Variants in CA10 observed in about 807,000 individuals in gnomAD.
CA10 encodes carbonic anhydrase-related protein 10.
In CA10, 14 loss-of-function variants were observed where a neutral mutation model predicts 44.2. The observed-to-expected ratio is 0.32, with a 90% CI of 0.21 to 0.50. The LOEUF (loss-of-function observed/expected upper bound fraction) is 0.50, where lower values mean the gene tolerates loss of function less well. CA10 is among the 20% of genes least tolerant of loss of function. CA10 has a pLI of 0.99. For missense variants in CA10, 350 were observed against 409.7 expected, an observed-to-expected ratio of 0.85 and a Z score of 1.26; for synonymous variants, 159 against 141.6, an observed-to-expected ratio of 1.12 and a Z score of -0.87.
At chr17:51,685,739 C>T (rs9904278) in intron 4 of CA10, among the ~76,000 whole-genome samples, 11,593 of 152,158 alleles carry the variant, frequency 0.076, 1,508 homozygotes, top group African/African-American at 0.26. Flanking sequence ...TGAGTGGCAG[C>T]CAAACAATCA....
intron 2 of CA10, among the ~76,000 whole-genome samples, chr17:51,946,030 G>A (rs886299866): frequency 2.6e-5 from 4 of 152,058 alleles, no homozygotes; most frequent in South Asian, 2.1e-4. Flanking sequence ...CCTGGGGGGC[G>A]GCTTATTAAC....
chr17:51,700,159 G>C (rs749815175), intron 4 of CA10, among the ~76,000 whole-genome samples: 4 of 152,126 alleles, frequency 2.6e-5, no homozygotes, highest in Non-Finnish European at 5.9e-5. Flanking sequence ...GAGCATCCTT[G>C]GAGAACTGGT....
chr17:51,957,097 TTTTAAAA>T (rs1391104083), intron 2 of CA10, among the ~76,000 whole-genome samples: 3 of 152,172 alleles, frequency 2.0e-5, no homozygotes, highest in African/African-American at 7.2e-5. Flanking sequence ...TTTTCCTCAG[TTTTAAAA>T]TATGCCTATA....
chr17:51,739,538 T>G (rs1598019847), intron 4 of CA10, among the ~76,000 whole-genome samples: 1 of 151,780 alleles, frequency 6.6e-6, no homozygotes, highest in East Asian at 1.9e-4. Context: ...CAGGCCAGAG[T>G]TATGATGCAG....
chr17:51,757,135 T>C (rs2143628628), intron 3 of CA10, among the ~76,000 whole-genome samples: 1 of 152,308 alleles, frequency 6.6e-6, no homozygotes. Context: ...GCAATGTAAT[T>C]AGTGAGTCTG....
At chr17:51,772,695 AAC>A (rs1191594980) in intron 3 of CA10, among the ~76,000 whole-genome samples, 3 of 152,148 alleles carry the variant, frequency 2.0e-5, no homozygotes, top group Admixed American at 1.3e-4. Context: ...TAGGCCAGCT[AAC>A]ACAGTTATGT....
chr17:51,772,581 G>A (rs1180234379), intron 3 of CA10, among the ~76,000 whole-genome samples: 1 of 152,068 alleles, frequency 6.6e-6, no homozygotes, highest in Non-Finnish European at 1.5e-5. Context: ...AGACAGGCCA[G>A]CCACCACAGC....
chr17:51,686,239 G>A (rs1915006436), intron 4 of CA10, among the ~76,000 whole-genome samples: 1 of 152,160 alleles, frequency 6.6e-6, no homozygotes, highest in African/African-American at 2.4e-5. Context: ...TGCCATGATT[G>A]TGAGGCCTTC....
At chr17:51,695,483 G>A (rs557319891) in intron 4 of CA10, among the ~76,000 whole-genome samples, 187 of 152,168 alleles carry the variant, frequency 1.2e-3, no homozygotes, top group African/African-American at 3.9e-3. Context: ...GAATGTTATC[G>A]GTGTATAGAA....
At position 51,649,123 on chromosome 17, in the gene CA10, T is replaced by A. The variant is rs1049083964; in HGVS notation, c.634+59A>T. 1.9e-5 allele frequency: 24 copies of A among 1,282,928 alleles called. No individual in the cohort carries two copies. The African/African-American group carries it at 3.1e-4, about 17-fold the overall frequency. 79.5% of individuals were successfully genotyped at this position (1,282,928 alleles called of 1,614,324 possible). ...AGATCATCAGTTCTGGCTTCCCGCC[T>A]TCAGGCAGGTCTAACCTTTATAGAA... On this transcript the variant is annotated intron_variant, in intron 6 of 8. Transcript: ENST00000451037.
intron 4 of CA10, among the ~76,000 whole-genome samples, chr17:51,717,173 C>T (rs901856973): frequency 1.3e-5 from 2 of 152,024 alleles, no homozygotes; most frequent in African/African-American, 4.8e-5. Context: ...AGAGAGAGCT[C>T]CGAATACCCC....
chr17:51,672,771 G>A (rs531212998), intron 4 of CA10, among the ~76,000 whole-genome samples: 1 of 152,246 alleles, frequency 6.6e-6, no homozygotes, highest in East Asian at 1.9e-4. Flanking sequence ...CCCATGCCAG[G>A]GCTATCTGCC....
chr17:51,757,459 A>T (rs1287963355), intron 3 of CA10, among the ~76,000 whole-genome samples: 2 of 152,244 alleles, frequency 1.3e-5, no homozygotes, highest in Non-Finnish European at 2.9e-5. Flanking sequence ...TGAGTTGTCC[A>T]GGATTATGCA....
chr17:51,785,122 G>A (rs1906217262), intron 3 of CA10, among the ~76,000 whole-genome samples: 1 of 151,952 alleles, frequency 6.6e-6, no homozygotes, highest in South Asian at 2.1e-4. Flanking sequence ...CTTTTTTTAT[G>A]GCTGAATAGC....
intron 3 of CA10, among the ~76,000 whole-genome samples, chr17:51,906,856 G>A (rs182879051): frequency 1.2e-4 from 18 of 152,126 alleles, no homozygotes; most frequent in Middle Eastern, 3.4e-3. Flanking sequence ...CTTGCCCTAC[G>A]TTTGAAACAG....
intron 4 of CA10, among the ~76,000 whole-genome samples, chr17:51,680,301 A>G (rs567298820): frequency 2.0e-5 from 3 of 152,312 alleles, no homozygotes; most frequent in African/African-American, 7.2e-5. Flanking sequence ...TAAGGAAAGC[A>G]GGTGGCATGA....
chr17:52,063,156 T>C (rs894191065), intron 2 of CA10, among the ~76,000 whole-genome samples: 4 of 152,344 alleles, frequency 2.6e-5, no homozygotes, highest in Admixed American at 2.6e-4. Context: ...CCCCTTTCTT[T>C]TGGCCAATTT....
chr17:51,833,289 A>C (rs1908351988), intron 3 of CA10, among the ~76,000 whole-genome samples: 1 of 152,150 alleles, frequency 6.6e-6, no homozygotes, highest in African/African-American at 2.4e-5. Flanking sequence ...GGCCAGGATA[A>C]ACCAATGCAT....
chr17:51,700,749 C>T (rs1597994461), intron 4 of CA10, among the ~76,000 whole-genome samples: 1 of 152,128 alleles, frequency 6.6e-6, no homozygotes, highest in Non-Finnish European at 1.5e-5. Flanking sequence ...CCTGGGCTGT[C>T]GGAACACCAC....
Sources: allele counts gnomAD v4.1 joint callset (sites outside exome capture counted in the v4.1 genomes callset), GRCh38; gene constraint gnomAD v4.1.1; transcripts MANE v1.5; gene names NCBI Gene and HGNC (gene_info 2026-07-23, HGNC 2026-07-21).